Variants in FTO observed in about 807,000 individuals in gnomAD.
FTO encodes the protein FTO alpha-ketoglutarate dependent dioxygenase.
Under a neutral mutation model 63.9 loss-of-function variants are expected in FTO, and 47 were observed. That is an observed-to-expected ratio of 0.74 (90% confidence interval 0.58 to 0.94). FTO has a LOEUF of 0.94. FTO is among the 40% of genes least tolerant of loss of function. FTO has a pLI of 0.00. For synonymous variants in FTO, 207 were observed against 224.4 expected (o/e 0.92, Z 0.69); for missense variants, 562 against 618.1 (o/e 0.91, Z 0.96).
intron 7 of FTO, among the ~76,000 whole-genome samples, chr16:53,902,986 C>G (rs2081441026): frequency 6.6e-6 from 1 of 152,050 alleles, no homozygotes; most frequent in Admixed American, 6.6e-5. Flanking sequence ...GGCACATGCC[C>G]GTAGTTCCAG....
At chr16:53,720,023 T>A (rs1441332103) in intron 1 of FTO, among the ~76,000 whole-genome samples, 1 of 152,126 alleles carries the variant, frequency 6.6e-6, no homozygotes, top group Non-Finnish European at 1.5e-5. Context: ...ATACCCTGAA[T>A]TCCCCCATTC....
intron 8 of FTO, among the ~76,000 whole-genome samples, chr16:54,025,342 G>A (rs1185597233): frequency 6.6e-6 from 1 of 152,144 alleles, no homozygotes; most frequent in Non-Finnish European, 1.5e-5. Context: ...CTAGTGATTG[G>A]GAAAACAACT....
At chr16:53,947,068 G>A (rs573991601) in intron 8 of FTO, among the ~76,000 whole-genome samples, 30 of 152,302 alleles carry the variant, frequency 2.0e-4, no homozygotes, top group Admixed American at 1.8e-3. Flanking sequence ...AATGTAACTT[G>A]GGGAACTAGT....
At chr16:54,077,120 G>A (rs1251679444) in intron 8 of FTO, among the ~76,000 whole-genome samples, 1 of 152,104 alleles carries the variant, frequency 6.6e-6, no homozygotes, top group African/African-American at 2.4e-5. Flanking sequence ...TAAAAATCAT[G>A]GATTGATTTG....
At chr16:54,103,690 A>G (rs1264564233) in intron 8 of FTO, among the ~76,000 whole-genome samples, 1 of 152,254 alleles carries the variant, frequency 6.6e-6, no homozygotes, top group African/African-American at 2.4e-5. Context: ...AGCTGTAAGT[A>G]TGACTGGGTG....
At chr16:53,921,259 C>G (rs994386304) in intron 7 of FTO, among the ~76,000 whole-genome samples, 1 of 152,202 alleles carries the variant, frequency 6.6e-6, no homozygotes, top group Non-Finnish European at 1.5e-5. Context: ...CCCCTCTCCC[C>G]CAGTGTTTTA....
At chr16:53,805,499 G>A (rs1024268468) in intron 1 of FTO, among the ~76,000 whole-genome samples, 5 of 146,672 alleles carry the variant, frequency 3.4e-5, no homozygotes, top group Non-Finnish European at 5.9e-5. Context: ...ACAGGCTGGA[G>A]TGCAGTGGCG....
At chr16:54,074,794 T>A (rs2085946575) in intron 8 of FTO, among the ~76,000 whole-genome samples, 1 of 152,104 alleles carries the variant, frequency 6.6e-6, no homozygotes, top group African/African-American at 2.4e-5. Flanking sequence ...TACCACATAC[T>A]GCAAAATGTT....
chr16:54,093,369 T>A (rs1333345493), intron 8 of FTO, among the ~76,000 whole-genome samples: 3 of 152,236 alleles, frequency 2.0e-5, no homozygotes, highest in African/African-American at 7.2e-5. Flanking sequence ...AACTCCCAGG[T>A]GGTCTCAGCT....
intron 1 of FTO, among the ~76,000 whole-genome samples, chr16:53,747,931 C>T (rs2076686282): frequency 6.6e-6 from 1 of 152,104 alleles, no homozygotes; most frequent in African/African-American, 2.4e-5. Flanking sequence ...TGTCCTTTCC[C>T]CAAAGTATAT....
At chr16:53,898,938 G>A (rs1347369444) in intron 7 of FTO, among the ~76,000 whole-genome samples, 2 of 152,186 alleles carry the variant, frequency 1.3e-5, no homozygotes, top group Non-Finnish European at 2.9e-5. Context: ...GCCTCACAGA[G>A]TGCTGGGATT....
chr16:54,076,922 A>G (rs2086008658), intron 8 of FTO, among the ~76,000 whole-genome samples: 1 of 152,148 alleles, frequency 6.6e-6, no homozygotes, highest in Admixed American at 6.6e-5. Context: ...TCTTTTTGAA[A>G]GCTCTTATTT....
At chr16:53,900,000 C>T (rs74019298) in intron 7 of FTO, among the ~76,000 whole-genome samples, 5,027 of 152,222 alleles carry the variant, frequency 0.033, 268 homozygotes, top group African/African-American at 0.11. Context: ...GATTTTTCTT[C>T]CTCCCCACCA....
intron 1 of FTO, among the ~76,000 whole-genome samples, chr16:53,759,846 C>T (rs1399880994): frequency 2.0e-5 from 3 of 152,078 alleles, no homozygotes; most frequent in Non-Finnish European, 4.4e-5. Context: ...CATGAAATTT[C>T]CTAACCCCAG....
chr16:54,086,994 G>A (rs1010298330), intron 8 of FTO, among the ~76,000 whole-genome samples: 1 of 152,192 alleles, frequency 6.6e-6, no homozygotes, highest in African/African-American at 2.4e-5. Flanking sequence ...ACTTGCTTGG[G>A]CCTCTTGTGC....
intron 6 of FTO, 87 bp from the exon 7 acceptor site, chr16:53,888,744 CT>C: frequency 7.1e-7 from 1 of 1,409,342 alleles, no homozygotes; most frequent in African/African-American, 1.4e-5. Flanking sequence ...CATCAAGTTA[CT>C]GGAGGAGAAT....
chr16:53,894,036 A>G (rs1483640185), intron 7 of FTO, among the ~76,000 whole-genome samples: 1 of 152,228 alleles, frequency 6.6e-6, no homozygotes, highest in African/African-American at 2.4e-5. Context: ...AATTCTATCC[A>G]TTTATGTTAA....
At chr16:54,067,519 G>A (rs1347160919) in intron 8 of FTO, among the ~76,000 whole-genome samples, 1 of 152,232 alleles carries the variant, frequency 6.6e-6, no homozygotes, top group African/African-American at 2.4e-5. Flanking sequence ...GCCACCAGCT[G>A]TCTGACAGTG....
At chr16:53,738,622 G>C (rs1038334903) in intron 1 of FTO, among the ~76,000 whole-genome samples, 2 of 152,134 alleles carry the variant, frequency 1.3e-5, no homozygotes, top group Non-Finnish European at 2.9e-5. Context: ...AAGTGGAATT[G>C]CTGGGTCATA....
Sources: gnomAD v4.1 joint callset for allele counts (sites outside exome capture counted in the v4.1 genomes callset) on GRCh38, gnomAD v4.1.1 for gene constraint, MANE v1.5 for transcripts, NCBI Gene and HGNC (gene_info 2026-07-23, HGNC 2026-07-21) for gene names.